EPB41L4B: variants seen among roughly 807,000 people sequenced by gnomAD.
The protein encoded by EPB41L4B is erythrocyte membrane protein band 4.1 like 4B.
In EPB41L4B, 30 loss-of-function variants were observed where a neutral mutation model predicts 112.5. The observed-to-expected ratio is 0.27, with a 90% CI of 0.20 to 0.36. The LOEUF (loss-of-function observed/expected upper bound fraction) is 0.36, where lower values mean the gene tolerates loss of function less well. Among genes scored for constraint, EPB41L4B ranks in the 10% least tolerant of loss-of-function variants. The pLI is 1.00. For synonymous variants in EPB41L4B, 408 were observed against 439.7 expected (o/e 0.93, Z 0.90); for missense variants, 1,024 against 1,133.3 (o/e 0.90, Z 1.38).
chr9:109,190,108 G>A (rs942151024), intron 22 of EPB41L4B, among the ~76,000 whole-genome samples: 2 of 152,054 alleles, frequency 1.3e-5, no homozygotes, highest in Admixed American at 6.6e-5. Context: ...GCTAGGTTAC[G>A]CTGGTTCTGA....
chr9:109,209,619 C>G (rs1166779900), intron 17 of EPB41L4B, among the ~76,000 whole-genome samples: 3 of 145,954 alleles, frequency 2.1e-5, no homozygotes, highest in African/African-American at 7.5e-5. Flanking sequence ...TGCACTCCAG[C>G]ATGGGCAACA....
chr9:109,227,193 CTTTTG>C (rs1215829766), intron 15 of EPB41L4B, among the ~76,000 whole-genome samples: 2 of 152,086 alleles, frequency 1.3e-5, no homozygotes, highest in African/African-American at 2.4e-5. Flanking sequence ...GTCTTAATTA[CTTTTG>C]TTTTAATATA....
intron 1 of EPB41L4B, among the ~76,000 whole-genome samples, chr9:109,316,525 G>C (rs1409096203): frequency 2.0e-5 from 3 of 152,232 alleles, no homozygotes; most frequent in Non-Finnish European, 4.4e-5. Context: ...CCGAGGGAGG[G>C]AGTCCTGCCC....
At chr9:109,317,798 G>A (rs1487337885) in intron 1 of EPB41L4B, among the ~76,000 whole-genome samples, 4 of 152,094 alleles carry the variant, frequency 2.6e-5, no homozygotes, top group African/African-American at 2.4e-5. Context: ...CCCAGGAAGC[G>A]GTAAAAATCC....
At chr9:109,292,655 G>A (rs1301340339) in intron 1 of EPB41L4B, among the ~76,000 whole-genome samples, 1 of 152,128 alleles carries the variant, frequency 6.6e-6, no homozygotes, top group African/African-American at 2.4e-5. Context: ...AATACCTAAG[G>A]TGTCAGTTTC....
In EPB41L4B at chr9:109,192,334, C is replaced by T. The variant is rs1374825018; in HGVS notation, c.2245G>A (p.Ala749Thr). 1.2e-6 allele frequency: 2 copies of T among 1,612,180 alleles called. No individual in the cohort carries two copies. The change falls in exon 22 of 26, where the codon GCC becomes ACC. Residue 749 changes from alanine (A) to threonine (T), a missense_variant. Transcript: ENST00000374566. ...GAKSPSDRGG[A>T]FTLEPGDLLM... Reference sequence around the variant, plus strand: ...AGATCACCCGGCTCCAGGGTAAAGGCACCTCCTCGGTCAGAGGGGCTCTAG... The same window carrying T: ...AGATCACCCGGCTCCAGGGTAAAGGTACCTCCTCGGTCAGAGGGGCTCTAG...
intron 1 of EPB41L4B, among the ~76,000 whole-genome samples, chr9:109,287,275 T>G (rs1836324599): frequency 6.6e-6 from 1 of 152,168 alleles, no homozygotes; most frequent in Admixed American, 6.5e-5. Context: ...ATGTCTTAAC[T>G]GCCCCCCAAA....
At chr9:109,218,126 C>CTT (rs10654240) in intron 15 of EPB41L4B, among the ~76,000 whole-genome samples, 20,056 of 106,064 alleles carry the variant, frequency 0.19, 3,036 homozygotes, top group East Asian at 0.35. Flanking sequence ...ACTAATAATT[C>CTT]TTTTTTTTTT....
chr9:109,204,333 GACCATCACAACATACAGAGC>G (rs1832927045), intron 18 of EPB41L4B, among the ~76,000 whole-genome samples: 3 of 108,944 alleles, frequency 2.8e-5, no homozygotes, highest in African/African-American at 1.2e-4. Context: ...CAGCCCTCAC[GACCATCACAACATACAGAGC>G]TTGGCCTCTG....
intron 1 of EPB41L4B, among the ~76,000 whole-genome samples, chr9:109,295,717 C>T (rs930573359): frequency 3.9e-5 from 6 of 152,028 alleles, no homozygotes; most frequent in East Asian, 3.8e-4. Context: ...AGGCAAGGCT[C>T]GCATTTCTGC....
At chr9:109,178,614 T>G (rs979568897) in intron 24 of EPB41L4B, among the ~76,000 whole-genome samples, 1 of 150,914 alleles carries the variant, frequency 6.6e-6, no homozygotes, top group African/African-American at 2.4e-5. Context: ...ATAACTGGGG[T>G]TTTTTTTAGT....
At chr9:109,319,665 C>G (rs1837770342) in intron 1 of EPB41L4B, among the ~76,000 whole-genome samples, 1 of 152,242 alleles carries the variant, frequency 6.6e-6, no homozygotes, top group South Asian at 2.1e-4. Flanking sequence ...TCTCTGCTGT[C>G]TCATCAAGGC....
At chr9:109,205,295 T>C (rs964010244) in intron 18 of EPB41L4B, among the ~76,000 whole-genome samples, 3 of 152,200 alleles carry the variant, frequency 2.0e-5, no homozygotes, top group African/African-American at 4.8e-5. Context: ...CTGTGTCCTT[T>C]TGGCTAGGAA....
In EPB41L4B at chr9:109,182,801, C is replaced by T. The variant is rs1832114923; in HGVS notation, c.2419-4G>A. ...TATCAACCGGGAATGTTTTTATCTT[C>T]AAAAGAGAGAAAGACAAGGGGGTTA... On this transcript the variant is annotated splice_region_variant and splice_polypyrimidine_tract_variant and intron_variant, in intron 23 of 25. Transcript: ENST00000374566. The T allele has an allele frequency of 1.9e-6, 3 of 1,604,880 alleles. No homozygotes were observed. The highest frequency in any genetic ancestry group is 1.3e-5 in the African/African-American group (1 of 74,720).
chr9:109,179,565 A>G lies in EPB41L4B; in HGVS notation c.2488-2869T>C, dbSNP rs911640997. Among the ~76,000 whole-genome samples, 3 of 152,086 alleles carry G rather than the reference A, an allele frequency of 2.0e-5. No homozygotes were observed. In the East Asian group the frequency reaches 5.8e-4, roughly 29 times the overall value. ...GACTTGGATTTCCAACTGCCCATTCATTGTGTCCACCTGGATGTTTCAAAG... is the reference window on the plus strand; with the variant it reads ...GACTTGGATTTCCAACTGCCCATTCGTTGTGTCCACCTGGATGTTTCAAAG... On this transcript the variant is annotated intron_variant, in intron 24 of 25. Coordinates refer to ENST00000374566, the MANE Select transcript of EPB41L4B (RefSeq NM_019114.5).
intron 1 of EPB41L4B, among the ~76,000 whole-genome samples, chr9:109,292,155 G>A (rs1015218888): frequency 6.6e-6 from 1 of 152,178 alleles, no homozygotes; most frequent in Admixed American, 6.5e-5. Flanking sequence ...CTATAGGTCT[G>A]TCCAAACATG....
intron 24 of EPB41L4B, among the ~76,000 whole-genome samples, chr9:109,181,827 A>G (rs1832067417): frequency 2.0e-5 from 3 of 152,228 alleles, no homozygotes; most frequent in Admixed American, 2.0e-4. Context: ...CACAATAGCC[A>G]AAAGGTGAAA....
rs35040371 is a variant in EPB41L4B, at chr9:109,260,410, C to CTTT, written c.632-2116_632-2114dup. On this transcript the variant is annotated intron_variant, in intron 6 of 25. Transcript: ENST00000374566. ...TATCTGACATAACAATCAATTGTAT[C>CTTT]TTTTTTTTTTTTTTTTTTTTTTGAG... Among the ~76,000 whole-genome samples the CTTT allele has an allele frequency of 3.9e-4, 40 of 102,506 alleles. 1 individual carries two copies. Among genetic ancestry groups the CTTT allele is most frequent in the East Asian group, 1.2e-3 (4 of 3,388 alleles). 67.2% of individuals were successfully genotyped at this position (102,506 alleles called of 152,430 possible). A position where few individuals can be genotyped will look rare whatever the true frequency, so the allele number is the denominator to read the frequency against.
intron 2 of EPB41L4B, among the ~76,000 whole-genome samples, chr9:109,279,087 G>A (rs995843619): frequency 1.3e-5 from 2 of 152,098 alleles, no homozygotes; most frequent in Non-Finnish European, 1.5e-5. Context: ...ATTCAGCTCC[G>A]TTCACAGCAC....
Sources: gnomAD v4.1 joint callset for allele counts (sites outside exome capture counted in the v4.1 genomes callset) on GRCh38, gnomAD v4.1.1 for gene constraint, MANE v1.5 for transcripts, NCBI Gene and HGNC (gene_info 2026-07-23, HGNC 2026-07-21) for gene names.